The following GNAS-AS1 variants were observed in gnomAD, a reference collection of about 807,000 sequenced individuals.
GNAS-AS1 encodes GNAS antisense RNA 1 (non-protein coding).
rs538968138 is a variant in GNAS-AS1 at position 58,823,865 on chromosome 20, G to A, written n.820-4610C>T. Among the ~76,000 whole-genome samples, 10 of 152,298 alleles carry A rather than the reference G, an allele frequency of 6.6e-5. No homozygotes were observed. In the South Asian group the frequency reaches 1.0e-3, roughly 16 times the overall value. On this transcript the variant is annotated intron_variant and non_coding_transcript_variant, in intron 4 of 4. Transcript: ENST00000424094. ...GGAACAAGGGTCTGCTCCCCTAACC[G>A]CGCCATCAGCCTGCATTTGCATGGA...
rs367773142 is a variant in GNAS-AS1, at chr20:58,840,567, C to T, written n.819+1370G>A. ...GGCCCGGTGGTGCCCAAGCACTCCA[C>T]CTTCGGCCAGTCCCTCACCCAGCGT... On this transcript the variant is annotated intron_variant and non_coding_transcript_variant, in intron 4 of 4. Transcript: ENST00000424094. This position sits in a 1 kb window ranked among gnomAD's most constrained non-coding sequence, Gnocchi z 6.0. 1 of 1,612,814 alleles carries T rather than the reference C, an allele frequency of 6.2e-7. No homozygotes were observed. Among genetic ancestry groups the T allele is most frequent in the African/African-American group, 1.3e-5 (1 of 75,000 alleles).
chr20:58,841,671 G>C lies in GNAS-AS1; in HGVS notation n.819+266C>G, dbSNP rs2085734848. 4 of 1,165,700 alleles carry C rather than the reference G, an allele frequency of 3.4e-6. No individual in the cohort carries two copies. Among genetic ancestry groups the C allele is most frequent in the Non-Finnish European group, 4.2e-6 (4 of 945,628 alleles). The allele number at this position is 1,165,700 out of a possible 1,614,324, so 72.2% of individuals were successfully genotyped here. ...CGGGCGGTTAGGGGAAAGTACCTGGGGGAAAGGTAGAGGAGGTAAGGGGAC... is the reference window on the plus strand; with the variant it reads ...CGGGCGGTTAGGGGAAAGTACCTGGCGGAAAGGTAGAGGAGGTAAGGGGAC... On this transcript the variant is annotated intron_variant and non_coding_transcript_variant, in intron 4 of 4. Coordinates refer to ENST00000424094, the Ensembl canonical transcript of GNAS-AS1. This position sits in a 1 kb window ranked among gnomAD's most constrained non-coding sequence, Gnocchi z 5.0.
At chr20:58,831,786 C>G (rs1048632481) in intron 4 of GNAS-AS1, among the ~76,000 whole-genome samples, 1 of 152,024 alleles carries the variant, frequency 6.6e-6, no homozygotes, top group Non-Finnish European at 1.5e-5. Flanking sequence ...CAAAACAAAA[C>G]CCCTAATTAT....
Position 58,840,585 on chromosome 20 carries a change from C to T in GNAS-AS1, n.819+1352G>A, listed in dbSNP as rs761536813. 88 of 1,611,636 alleles carry T rather than the reference C, an allele frequency of 5.5e-5. No individual in the cohort carries two copies. The highest frequency in any genetic ancestry group is 7.1e-5 in the Non-Finnish European group (84 of 1,179,242). On this transcript the variant is annotated intron_variant and non_coding_transcript_variant, in intron 4 of 4. Coordinates refer to ENST00000424094, the Ensembl canonical transcript of GNAS-AS1. This position sits in a 1 kb window ranked among gnomAD's most constrained non-coding sequence, Gnocchi z 6.0. ...CACTCCACCTTCGGCCAGTCCCTCA[C>T]CCAGCGTCTGCACGCTCTCAAGTTG...
At position 58,819,568 on chromosome 20, in the gene GNAS-AS1, T is replaced by C. The variant is rs563702505; in HGVS notation, n.820-313A>G. 7.9e-5 allele frequency among the ~76,000 whole-genome samples: 12 copies of C among 152,256 alleles called. No individual in the cohort carries two copies. In the East Asian group the frequency reaches 2.1e-3, roughly 27 times the overall value. ...GTGGAGTCCCAATCTCCAAGGCCTT[T>C]GTGTCTGATCTGAGAGAAGCCATCT... On this transcript the variant is annotated intron_variant and non_coding_transcript_variant, in intron 4 of 4. Transcript: ENST00000424094.
chr20:58,821,394 C>T (rs2085486045), intron 4 of GNAS-AS1, among the ~76,000 whole-genome samples: 1 of 152,214 alleles, frequency 6.6e-6, no homozygotes, highest in South Asian at 2.1e-4. Context: ...GAAAGGCGAC[C>T]TCTGGAGCCT....
intron 2 of GNAS-AS1, among the ~76,000 whole-genome samples, chr20:58,844,357 A>T (rs2085859746): frequency 6.6e-6 from 1 of 152,206 alleles, no homozygotes; most frequent in South Asian, 2.1e-4. Context: ...GAGATGCTCA[A>T]ATGACATCTT....
intron 4 of GNAS-AS1, among the ~76,000 whole-genome samples, chr20:58,823,310 C>T (rs747200544): frequency 1.3e-5 from 2 of 152,226 alleles, no homozygotes; most frequent in Non-Finnish European, 2.9e-5. Context: ...ACCCTGAACA[C>T]GGGGCCACTG....
chr20:58,824,788 T>C (rs1283435302), intron 4 of GNAS-AS1, among the ~76,000 whole-genome samples: 1 of 152,218 alleles, frequency 6.6e-6, no homozygotes, highest in Non-Finnish European at 1.5e-5. Flanking sequence ...TGGTTTTGCC[T>C]GCTTTTGAAC....
chr20:58,821,126 G>A (rs949249149), intron 4 of GNAS-AS1, among the ~76,000 whole-genome samples: 2 of 152,168 alleles, frequency 1.3e-5, no homozygotes, highest in South Asian at 2.1e-4. Context: ...TGCCATGGCC[G>A]TGGGCTGCCC....
At chr20:58,843,842 A>G (rs1417309801) in intron 2 of GNAS-AS1, among the ~76,000 whole-genome samples, 1 of 152,184 alleles carries the variant, frequency 6.6e-6, no homozygotes, top group Non-Finnish European at 1.5e-5. Flanking sequence ...ATGTTCCAAT[A>G]TTGTGTGGGG....
intron 4 of GNAS-AS1, among the ~76,000 whole-genome samples, chr20:58,836,992 G>A (rs908055771): frequency 1.3e-5 from 2 of 152,132 alleles, no homozygotes; most frequent in Admixed American, 6.5e-5. Context: ...CAATCTCGGT[G>A]TATCTATATT....
rs1322389431 is a variant in GNAS-AS1, at chr20:58,840,556, C to G, written n.819+1381G>C. 1 of 1,613,264 alleles carries G rather than the reference C, an allele frequency of 6.2e-7. No individual in the cohort carries two copies. The highest frequency in any genetic ancestry group is 8.5e-7 in the Non-Finnish European group (1 of 1,179,970). On this transcript the variant is annotated intron_variant and non_coding_transcript_variant, in intron 4 of 4. Coordinates refer to ENST00000424094, the Ensembl canonical transcript of GNAS-AS1. The surrounding 1 kb of genome is among the most constrained non-coding windows in gnomAD (Gnocchi z 6.0). ...AAGACGATCGCGGCCCGGTGGTGCC[C>G]AAGCACTCCACCTTCGGCCAGTCCC...
intron 4 of GNAS-AS1, among the ~76,000 whole-genome samples, chr20:58,825,610 T>C (rs575059903): frequency 6.6e-6 from 1 of 152,350 alleles, no homozygotes; most frequent in South Asian, 2.1e-4. Context: ...AGTTCAGTAT[T>C]GGAATATGGC....
intron 4 of GNAS-AS1, among the ~76,000 whole-genome samples, chr20:58,824,952 A>G (rs2085509965): frequency 6.6e-6 from 1 of 152,162 alleles, no homozygotes; most frequent in South Asian, 2.1e-4. Flanking sequence ...TCTGGCTGGA[A>G]CACTGCTTCA....
rs1445956491 is a variant in GNAS-AS1, at chr20:58,830,347, ACAC to A, written n.820-11095_820-11093del. ...CATCATCACCACCACCATCACCACC[ACAC>A]CACCATCACCACCACCACAACACCA... On this transcript the variant is annotated intron_variant and non_coding_transcript_variant, in intron 4 of 4. Coordinates refer to ENST00000424094, the Ensembl canonical transcript of GNAS-AS1. Among the ~76,000 whole-genome samples, 20 of 97,926 alleles carry A rather than the reference ACAC, an allele frequency of 2.0e-4. 1 individual carries two copies. The highest frequency in any genetic ancestry group is 4.5e-4 in the African/African-American group (10 of 22,324). The allele number at this position is 97,926 out of a possible 152,430, so 64.2% of individuals were successfully genotyped here.
Position 58,841,219 on chromosome 20 carries a change from T to G in GNAS-AS1, n.819+718A>C. ...TTTGGAGCTGCACACCCAAACGGCA[T>G]TGGTAAGTCACTTGTTTTGCGCGCT... On this transcript the variant is annotated intron_variant and non_coding_transcript_variant, in intron 4 of 4. Transcript: ENST00000424094. This position sits in a 1 kb window ranked among gnomAD's most constrained non-coding sequence, Gnocchi z 5.0. The G allele has an allele frequency of 1.4e-6, 1 of 700,490 alleles. No homozygotes were observed. Among genetic ancestry groups the G allele is most frequent in the Non-Finnish European group, 1.9e-6 (1 of 517,486 alleles). 43.4% of individuals were successfully genotyped at this position (700,490 alleles called of 1,614,324 possible). A position where few individuals can be genotyped will look rare whatever the true frequency, so the allele number is the denominator to read the frequency against.
rs1220130891 is a variant in GNAS-AS1, at chr20:58,840,162, A to AC, written n.819+1774dup. On this transcript the variant is annotated intron_variant and non_coding_transcript_variant, in intron 4 of 4. Transcript: ENST00000424094. The surrounding 1 kb of genome is among the most constrained non-coding windows in gnomAD (Gnocchi z 6.0). ...CGCCGAGCTCGCCATAATTACAACG[A>AC]CCTGTGCCCGCCCATAGGCCGCCGG... The AC allele has an allele frequency of 1.9e-6, 3 of 1,610,714 alleles. No individual in the cohort carries two copies. Among genetic ancestry groups the AC allele is most frequent in the Non-Finnish European group, 2.5e-6 (3 of 1,179,688 alleles).
intron 2 of GNAS-AS1, among the ~76,000 whole-genome samples, chr20:58,845,407 T>C (rs1314469669): frequency 6.6e-6 from 1 of 152,168 alleles, no homozygotes; most frequent in Non-Finnish European, 1.5e-5. Context: ...ACCATGGACA[T>C]ACAGCTAGAC....
Sources: gnomAD v4.1 joint callset for allele counts (sites outside exome capture counted in the v4.1 genomes callset) on GRCh38, gnomAD v4.1.1 for gene constraint, Gnocchi (gnomAD v3.1) non-coding constraint, MANE v1.5 for transcripts, NCBI Gene and HGNC (gene_info 2026-07-23, HGNC 2026-07-21) for gene names.